EVC2: variants seen among roughly 807,000 people sequenced by gnomAD.
EVC2 encodes EvC ciliary complex subunit 2, also known as limbin.
Under a neutral mutation model 149.3 loss-of-function variants are expected in EVC2, and 148 were observed. The ratio of observed to expected loss-of-function variants is 0.99; its 90% CI spans 0.87 to 1.14. The LOEUF (loss-of-function observed/expected upper bound fraction) is 1.14, where lower values mean the gene tolerates loss of function less well. Ranked by LOEUF, EVC2 falls within the 50% of genes most tolerant of loss-of-function variation. EVC2 has a pLI of 0.00. For synonymous variants in EVC2, 776 were observed against 649.9 expected (o/e 1.19, Z -2.95); for missense variants, 1,854 against 1,627.3 (o/e 1.14, Z -2.40).
At chr4:5,703,242 A>G (rs1721938805) in intron 1 of EVC2, among the ~76,000 whole-genome samples, 1 of 152,218 alleles carries the variant, frequency 6.6e-6, no homozygotes, top group African/African-American at 2.4e-5. Context: ...ACTGCATATC[A>G]TTGTAACTAT....
At chr4:5,547,390 A>G (rs948616337) in intron 21 of EVC2, among the ~76,000 whole-genome samples, 3 of 152,206 alleles carry the variant, frequency 2.0e-5, no homozygotes, top group Admixed American at 1.3e-4. Context: ...CCTGGGTGGA[A>G]GGGGGCAGAT....
intron 9 of EVC2, among the ~76,000 whole-genome samples, chr4:5,660,963 A>C (rs1415611141): frequency 6.6e-6 from 1 of 152,228 alleles, no homozygotes; most frequent in Admixed American, 6.5e-5. Flanking sequence ...AAATTAAATA[A>C]GGGGCGTGAC....
intron 15 of EVC2, among the ~76,000 whole-genome samples, chr4:5,616,567 T>C (rs545413297): frequency 6.6e-6 from 1 of 152,294 alleles, no homozygotes; most frequent in East Asian, 1.9e-4. Context: ...CTAACATTGC[T>C]CCACCTGGCC....
chr4:5,654,938 C>A (rs1306497339), intron 9 of EVC2, among the ~76,000 whole-genome samples: 1 of 152,236 alleles, frequency 6.6e-6, no homozygotes, highest in Non-Finnish European at 1.5e-5. Flanking sequence ...TCTCTTCCTG[C>A]AGACAGTGGG....
At position 5,576,158 on chromosome 4, in the gene EVC2, G is replaced by A. The variant is rs1484341149; in HGVS notation, c.3272+82C>T. 4.4e-5 allele frequency: 71 copies of A among 1,608,768 alleles called. No homozygotes were observed. The highest frequency in any genetic ancestry group is 5.3e-5 in the Non-Finnish European group (62 of 1,178,204). On this transcript the variant is annotated intron_variant, in intron 18 of 21. Transcript: ENST00000344408. This position sits in a 1 kb window ranked among gnomAD's most constrained non-coding sequence, Gnocchi z 4.5. ...AGAGGGTGAGAGCCCAGGTGGGTATGGGTGGGCTGAGTTGGAGATGCCAGG... is the reference window on the plus strand; with the variant it reads ...AGAGGGTGAGAGCCCAGGTGGGTATAGGTGGGCTGAGTTGGAGATGCCAGG...
At chr4:5,575,485 C>T (rs1039559481) in intron 18 of EVC2, among the ~76,000 whole-genome samples, 4 of 152,234 alleles carry the variant, frequency 2.6e-5, no homozygotes, top group East Asian at 1.9e-4. Context: ...TGCATTTACA[C>T]AGAAGAGCGT....
chr4:5,583,740 CTCTT>C (rs1712010345), intron 17 of EVC2, among the ~76,000 whole-genome samples: 1 of 145,670 alleles, frequency 6.9e-6, no homozygotes, highest in Non-Finnish European at 1.5e-5. Flanking sequence ...TTAATGGTTG[CTCTT>C]GCCAAGGGTT....
At chr4:5,626,720 T>A (rs1452136461) in intron 12 of EVC2, among the ~76,000 whole-genome samples, 2 of 152,024 alleles carry the variant, frequency 1.3e-5, no homozygotes, top group Non-Finnish European at 2.9e-5. Context: ...CAGACGGCCC[T>A]CCCCAGCATG....
Position 5,592,037 on chromosome 4 carries a change from A to G in EVC2, c.2830-7187T>C, listed in dbSNP as rs557587988. Among the ~76,000 whole-genome samples the G allele has an allele frequency of 1.4e-4, 22 of 152,316 alleles. 1 individual carries two copies. In the South Asian group the frequency reaches 2.5e-3, roughly 17 times the overall value. The stretch of plus-strand genomic sequence containing the variant: ...ACCAGCAGAGAGTTATTGGGATTCT[A>G]AAGGGTTTAATAAATCACACCTCTC... On this transcript the variant is annotated intron_variant, in intron 16 of 21. Coordinates refer to ENST00000344408, the MANE Select transcript of EVC2 (RefSeq NM_147127.5).
chr4:5,590,107 T>A (rs1712651308), intron 16 of EVC2, among the ~76,000 whole-genome samples: 1 of 151,926 alleles, frequency 6.6e-6, no homozygotes, highest in Admixed American at 6.6e-5. Flanking sequence ...CTACAGAGAC[T>A]TGTGAGGCTG....
chr4:5,663,028 C>G, intron 9 of EVC2, 79 bp downstream of exon 9: 1 of 1,559,306 alleles, frequency 6.4e-7, no homozygotes, highest in Non-Finnish European at 8.8e-7. Flanking sequence ...ATGAAATATA[C>G]TCAGCATTTG....
At chr4:5,629,842 C>T (rs1213115780) in intron 11 of EVC2, among the ~76,000 whole-genome samples, 1 of 152,198 alleles carries the variant, frequency 6.6e-6, no homozygotes, top group East Asian at 1.9e-4. Flanking sequence ...TTGATGGGAG[C>T]CCATGTTGTA....
At chr4:5,563,222 C>T in intron 21 of EVC2, 107 bp from the exon 22 acceptor site, 1 of 1,105,012 alleles carries the variant, frequency 9.0e-7, no homozygotes, top group Non-Finnish European at 1.3e-6. Context: ...TTCCCCAACC[C>T]AGTGCCATTT....
In EVC2 at chr4:5,563,990, C is replaced by T. The variant is rs186900357; in HGVS notation, c.3660-875G>A. 5.3e-4 allele frequency among the ~76,000 whole-genome samples: 81 copies of T among 152,178 alleles called. 1 individual carries two copies. In the East Asian group the frequency reaches 0.011, roughly 21 times the overall value. On this transcript the variant is annotated intron_variant, in intron 21 of 21. Coordinates refer to ENST00000344408, the MANE Select transcript of EVC2 (RefSeq NM_147127.5). The stretch of plus-strand genomic sequence containing the variant: ...AGGCTGCTCTTGATAATGATCGTGA[C>T]GACCACCAAGAGCCCTATACATCCT...
downstream of EVC2, among the ~76,000 whole-genome samples, chr4:5,558,446 G>A (rs930815848): frequency 6.6e-6 from 1 of 152,098 alleles, no homozygotes; most frequent in African/African-American, 2.4e-5. Context: ...TGTAATTGTG[G>A]ATACATGGCA....
intron 7 of EVC2, among the ~76,000 whole-genome samples, chr4:5,669,034 G>T (rs879898046): frequency 6.6e-5 from 10 of 152,158 alleles, no homozygotes; most frequent in Admixed American, 6.5e-4. Flanking sequence ...GAAGATGGAG[G>T]CAGATACTGA....
At chr4:5,541,360 C>T (rs371450792), downstream of EVC2, among the ~76,000 whole-genome samples, 69 of 152,246 alleles carry the variant, frequency 4.5e-4, no homozygotes, top group Middle Eastern at 3.4e-3. Flanking sequence ...ATAGGGAGTG[C>T]GTCCAGTGGT....
chr4:5,586,964 T>C (rs978788783), intron 16 of EVC2, among the ~76,000 whole-genome samples: 14 of 152,226 alleles, frequency 9.2e-5, no homozygotes, highest in African/African-American at 3.4e-4. Flanking sequence ...CTCAGATACT[T>C]TTGGCTTACA....
intron 21 of EVC2, among the ~76,000 whole-genome samples, chr4:5,551,984 C>T (rs755849471): frequency 6.6e-6 from 1 of 152,178 alleles, no homozygotes; most frequent in Non-Finnish European, 1.5e-5. Flanking sequence ...GTCCATAAAA[C>T]CTTTTTCCTG....
Sources: gnomAD v4.1 joint callset for allele counts (sites outside exome capture counted in the v4.1 genomes callset) on GRCh38, gnomAD v4.1.1 for gene constraint, Gnocchi (gnomAD v3.1) non-coding constraint, MANE v1.5 for transcripts, NCBI Gene and HGNC (gene_info 2026-07-23, HGNC 2026-07-21) for gene names.